PLA2G4A: variants seen among roughly 807,000 people sequenced by gnomAD.
PLA2G4A encodes the protein cytosolic phospholipase A2.
A neutral mutation model predicts 81.9 loss-of-function variants in PLA2G4A; 40 were observed. The ratio of observed to expected loss-of-function variants is 0.49; its 90% CI spans 0.38 to 0.64. The LOEUF (loss-of-function observed/expected upper bound fraction) is 0.64, where lower values mean the gene tolerates loss of function less well. Ranked by LOEUF, PLA2G4A falls within the 30% of genes least tolerant of loss-of-function variation. The pLI, the probability that PLA2G4A is intolerant of heterozygous loss-of-function variation, is 0.00. For synonymous variants in PLA2G4A, 302 were observed against 296.9 expected (o/e 1.02, Z -0.18); for missense variants, 715 against 905.1 (o/e 0.79, Z 2.69).
At chr1:186,959,732 A>T (rs1656882951) in intron 14 of PLA2G4A, among the ~76,000 whole-genome samples, 2 of 152,176 alleles carry the variant, frequency 1.3e-5, no homozygotes, top group African/African-American at 4.8e-5. Context: ...GAATAATCAT[A>T]TGTTTGGAAT....
chr1:186,875,054 T>C (rs1423629288), intron 3 of PLA2G4A, among the ~76,000 whole-genome samples: 1 of 152,124 alleles, frequency 6.6e-6, no homozygotes, highest in Admixed American at 6.6e-5. Flanking sequence ...ATGCAGATTT[T>C]GATTCTGTAG....
At chr1:186,836,709 T>C (rs1651790524) in intron 1 of PLA2G4A, among the ~76,000 whole-genome samples, 1 of 152,194 alleles carries the variant, frequency 6.6e-6, no homozygotes, top group African/African-American at 2.4e-5. Context: ...GCTAATTCAG[T>C]CAGTTTTAAT....
chr1:186,939,292 A>T (rs1656062951), intron 9 of PLA2G4A, 62 bp downstream of exon 9: 1 of 668,538 alleles, frequency 1.5e-6, no homozygotes, highest in African/African-American at 1.9e-5. Flanking sequence ...TTATAATATT[A>T]TATTTTAAAT....
At chr1:186,930,207 C>T (rs1368343398) in intron 7 of PLA2G4A, among the ~76,000 whole-genome samples, 4 of 152,166 alleles carry the variant, frequency 2.6e-5, no homozygotes, top group African/African-American at 9.7e-5. Flanking sequence ...TTATAATCTG[C>T]ACAGCCAATT....
intron 1 of PLA2G4A, among the ~76,000 whole-genome samples, chr1:186,833,853 A>G (rs190587417): frequency 6.6e-6 from 1 of 152,280 alleles, no homozygotes; most frequent in East Asian, 1.9e-4. Flanking sequence ...GCTTAGAGAA[A>G]CTCAGCAGAC....
chr1:186,941,732 C>T (rs1039636422), intron 10 of PLA2G4A, among the ~76,000 whole-genome samples: 1 of 152,120 alleles, frequency 6.6e-6, no homozygotes, highest in African/African-American at 2.4e-5. Context: ...CCTCTTTCCT[C>T]ACCACAATAT....
At chr1:186,981,659 A>G (rs1320277028) in intron 17 of PLA2G4A, among the ~76,000 whole-genome samples, 2 of 152,154 alleles carry the variant, frequency 1.3e-5, no homozygotes, top group Admixed American at 1.3e-4. Flanking sequence ...CAACCCCACC[A>G]TCTATCTCCA....
At chr1:186,841,225 T>A (rs1376726422) in intron 1 of PLA2G4A, among the ~76,000 whole-genome samples, 1 of 152,200 alleles carries the variant, frequency 6.6e-6, no homozygotes, top group Admixed American at 6.5e-5. Context: ...CCTAGAAAAT[T>A]ACAAAAGATG....
chr1:186,959,314 T>G (rs1460816787), intron 14 of PLA2G4A, among the ~76,000 whole-genome samples: 1 of 148,064 alleles, frequency 6.8e-6, no homozygotes, highest in Non-Finnish European at 1.5e-5. Flanking sequence ...GAAAGAAGAG[T>G]TATAGGCAGT....
At position 186,988,876 on chromosome 1, in the gene PLA2G4A, A is replaced by G. The variant is rs1657980335; in HGVS notation, c.*368A>G. 1 of 184,160 alleles carries G rather than the reference A, an allele frequency of 5.4e-6. No individual in the cohort carries two copies. The highest frequency in any genetic ancestry group is 1.1e-4 in the South Asian group (1 of 8,832). 11.4% of individuals were successfully genotyped at this position (184,160 alleles called of 1,614,324 possible). ...TCAATAAGACCTCGCATTATGTATGAATGTTATTCACTGACTAGATTTATT... is the reference window on the plus strand; with the variant it reads ...TCAATAAGACCTCGCATTATGTATGGATGTTATTCACTGACTAGATTTATT... On this transcript the variant is annotated 3_prime_UTR_variant, in exon 18 of 18. Coordinates refer to ENST00000367466, the MANE Select transcript of PLA2G4A (RefSeq NM_024420.3).
chr1:186,939,190 A>T lies in PLA2G4A; in HGVS notation c.878A>T (p.Asp293Val). 1 of 1,604,228 alleles carries T rather than the reference A, an allele frequency of 6.2e-7. No homozygotes were observed. The highest frequency in any genetic ancestry group is 8.5e-7 in the Non-Finnish European group (1 of 1,171,250). Residue 293 changes from aspartate to valine, a missense_variant, in exon 9 of 18, where the codon GAT (aspartate) becomes GTT (valine). By Grantham distance (152) the Asp-to-Val change is radical. Coordinates refer to ENST00000367466, the MANE Select transcript of PLA2G4A (RefSeq NM_024420.3). The part of the protein sequence containing the change: ...KSSGQPVTFT[D>V]IFGMLIGETL... ...TCTGGACAACCTGTCACCTTTACTG[A>T]TATCTTTGGGATGTTAATAGGAGAA...
At chr1:186,844,735 AT>A (rs1204258894) in intron 1 of PLA2G4A, among the ~76,000 whole-genome samples, 3 of 152,248 alleles carry the variant, frequency 2.0e-5, no homozygotes, top group Non-Finnish European at 4.4e-5. Context: ...ATGTATACAT[AT>A]TTAACAAATC....
chr1:186,902,893 A>G (rs1374576098), intron 5 of PLA2G4A, among the ~76,000 whole-genome samples: 1 of 150,854 alleles, frequency 6.6e-6, no homozygotes, highest in Non-Finnish European at 1.5e-5. Flanking sequence ...AAAAAAAAAA[A>G]GAAAAAAGAA....
rs541122331 is a variant in PLA2G4A at position 186,984,570 on chromosome 1, C to A, written c.2119-3807C>A. On this transcript the variant is annotated intron_variant, in intron 17 of 17. Coordinates refer to ENST00000367466, the MANE Select transcript of PLA2G4A (RefSeq NM_024420.3). ...ATCCATATCCAGAAATACTGGTACTCATTTCTTAATTCATTAATTCATTGA... is the reference window on the plus strand; with the variant it reads ...ATCCATATCCAGAAATACTGGTACTAATTTCTTAATTCATTAATTCATTGA... 9.9e-4 allele frequency among the ~76,000 whole-genome samples: 151 copies of A among 152,272 alleles called. 1 individual carries two copies. The highest frequency in any genetic ancestry group is 3.4e-3 in the African/African-American group (141 of 41,568).
intron 15 of PLA2G4A, among the ~76,000 whole-genome samples, chr1:186,973,653 G>T (rs1330081104): frequency 6.6e-6 from 1 of 152,134 alleles, no homozygotes; most frequent in Non-Finnish European, 1.5e-5. Flanking sequence ...ACATCCCTGT[G>T]AATAACTAAC....
intron 1 of PLA2G4A, among the ~76,000 whole-genome samples, chr1:186,847,571 T>G (rs183080981): frequency 3.3e-5 from 5 of 152,242 alleles, no homozygotes; most frequent in Middle Eastern, 3.4e-3. Context: ...CTAAAATGGA[T>G]AGTGAAACAG....
At chr1:186,961,455 T>C (rs571656768) in intron 14 of PLA2G4A, among the ~76,000 whole-genome samples, 16 of 151,958 alleles carry the variant, frequency 1.1e-4, no homozygotes, top group Non-Finnish European at 2.2e-4. Flanking sequence ...ACCCCATAAA[T>C]ATACGCAATT....
intron 14 of PLA2G4A, among the ~76,000 whole-genome samples, chr1:186,960,469 G>A (rs4272579): frequency 0.96 from 145,919 of 152,314 alleles, 69,943 homozygotes; most frequent in East Asian, 1. Flanking sequence ...GTTTTAAATT[G>A]TAGGAGGATA....
intron 5 of PLA2G4A, among the ~76,000 whole-genome samples, chr1:186,900,364 C>T (rs1055473173): frequency 6.6e-6 from 1 of 152,160 alleles, no homozygotes; most frequent in Non-Finnish European, 1.5e-5. Context: ...GCCCATTAAG[C>T]ACTAAATAAA....
Sources: gnomAD v4.1 joint callset for allele counts (sites outside exome capture counted in the v4.1 genomes callset) on GRCh38, gnomAD v4.1.1 for gene constraint, MANE v1.5 for transcripts, NCBI Gene and HGNC (gene_info 2026-07-23, HGNC 2026-07-21) for gene names.